The following ATAD2 variants were observed in gnomAD, a reference collection of about 807,000 sequenced individuals.
ATAD2 encodes ATPase family AAA domain-containing protein 2.
In ATAD2, 62 loss-of-function variants were observed where a neutral mutation model predicts 168.9. The observed-to-expected ratio is 0.37, with a 90% confidence interval of 0.30 to 0.45. The LOEUF is 0.45. ATAD2 is among the 20% of genes least tolerant of loss of function. The pLI is 1.00. For synonymous variants in ATAD2, 613 were observed against 571.6 expected, an observed-to-expected ratio of 1.07 and a Z score of -1.03; for missense variants, 1,419 against 1,667.8, an observed-to-expected ratio of 0.85 and a Z score of 2.60.
rs778306956 is a variant in ATAD2 at position 123,372,674 on chromosome 8, T to C, written c.333A>G (p.Arg111=). The part of the protein sequence containing the change: ...NGRHFTRQLA[R]QQADKKKEEH... ...CTTCTTTTTTTTTATCAGCCTGCTG[T>C]CTGGCCAACTGCCTATATTTTAAAA... Residue 111 remains arginine (R), a synonymous_variant, in exon 3 of 28, where the codon AGA becomes AGG. Coordinates refer to ENST00000287394, the MANE Select transcript of ATAD2 (RefSeq NM_014109.4). The C allele has an allele frequency of 3.8e-6, 6 of 1,590,046 alleles. No homozygotes were observed. In the South Asian group the frequency reaches 4.6e-5, roughly 12 times the overall value.
In ATAD2 at chr8:123,396,349, A is replaced by G. The variant is rs765348632; in HGVS notation, c.9T>C (p.Val3=). 2 of 1,594,138 alleles carry G rather than the reference A, an allele frequency of 1.3e-6. No individual in the cohort carries two copies. Among genetic ancestry groups the G allele is most frequent in the South Asian group, 2.2e-5 (2 of 90,026 alleles). Residue 3 remains valine, a synonymous_variant, in exon 1 of 28, where the codon GTT becomes GTC. Transcript: ENST00000287394. The part of the protein sequence containing the change: MV[V]LRSSLELHNH... ...TGTGCAGCTCCAAGCTGCTGCGGAG[A>G]ACCACCATCTTCTCTCCCTACTGGC...
Position 123,365,724 on chromosome 8 carries a change from G to T in ATAD2, c.1049+3334C>A, listed in dbSNP as rs141131253. Among the ~76,000 whole-genome samples, 550 of 152,270 alleles carry T rather than the reference G, an allele frequency of 3.6e-3. 1 individual carries two copies. Among genetic ancestry groups the T allele is most frequent in the African/African-American group, 0.013 (527 of 41,558 alleles). ...GATAATTGGGTAGCCACATGTAGGA[G>T]AATGAAACTGGTTCCTCATCTCTCA... On this transcript the variant is annotated intron_variant, in intron 8 of 27. Transcript: ENST00000287394.
At chr8:123,354,864 A>AATATATATATATATAT (rs1251736641) in intron 13 of ATAD2, among the ~76,000 whole-genome samples, 69 of 64,702 alleles carry the variant, frequency 1.1e-3, no homozygotes, top group African/African-American at 5.7e-3. Context: ...AAAAAAAAAA[A>AATATATATATATATAT]ATATATATAT....
chr8:123,353,567 ATT>A (rs966836860), intron 13 of ATAD2, among the ~76,000 whole-genome samples: 13 of 147,006 alleles, frequency 8.8e-5, no homozygotes, highest in African/African-American at 3.2e-4. Context: ...GATTCCAGTA[ATT>A]TTTTTTTTTT....
Position 123,369,894 on chromosome 8 carries a change from T to A in ATAD2, c.858A>T (p.Gly286=). ...AATATCGCTTCTGATTCTCTTCTTC[T>A]CCATCTTCTTCATCTTCATCATCTT... ...DDEDDEDEED[G]EEENQKRYYL... The change falls in exon 7 of 28, where the codon GGA becomes GGT. Residue 286 remains glycine, a synonymous_variant. Coordinates refer to ENST00000287394, the MANE Select transcript of ATAD2 (RefSeq NM_014109.4). 1 of 1,609,770 alleles carries A rather than the reference T, an allele frequency of 6.2e-7. No homozygotes were observed. The highest frequency in any genetic ancestry group is 8.5e-7 in the Non-Finnish European group (1 of 1,178,082).
At chr8:123,369,261 C>G in intron 7 of ATAD2, 86 bp from the exon 8 acceptor site, 1 of 436,420 alleles carries the variant, frequency 2.3e-6, no homozygotes, top group Non-Finnish European at 3.3e-6. Context: ...TGCTCTTCAT[C>G]TAAATACTTA....
chr8:123,323,995 T>C (rs1018885150), intron 26 of ATAD2, among the ~76,000 whole-genome samples: 1 of 152,150 alleles, frequency 6.6e-6, no homozygotes, highest in Non-Finnish European at 1.5e-5. Flanking sequence ...AAAATAATAA[T>C]TGCTACTCTT....
chr8:123,325,313 G>A (rs1478403722), intron 26 of ATAD2, among the ~76,000 whole-genome samples: 1 of 150,440 alleles, frequency 6.6e-6, no homozygotes, highest in Non-Finnish European at 1.5e-5. Context: ...TTGAGACAGA[G>A]TCTCTATCGC....
At chr8:123,328,797 A>C (rs1478475073) in intron 24 of ATAD2, among the ~76,000 whole-genome samples, 4 of 79,972 alleles carry the variant, frequency 5.0e-5, no homozygotes, top group Admixed American at 1.8e-4. Context: ...TTTATCTTGA[A>C]ATTTTTTTTT....
chr8:123,348,669 T>TTTA (rs1828339566), intron 14 of ATAD2, among the ~76,000 whole-genome samples: 1 of 152,132 alleles, frequency 6.6e-6, no homozygotes, highest in African/African-American at 2.4e-5. Context: ...AGAGCAAGAC[T>TTTA]TTATCATAAA....
intron 24 of ATAD2, among the ~76,000 whole-genome samples, chr8:123,331,219 G>T (rs1827767602): frequency 6.6e-6 from 1 of 152,256 alleles, no homozygotes; most frequent in South Asian, 2.1e-4. Flanking sequence ...GGGATTACAG[G>T]CGTGAGCCAC....
intron 8 of ATAD2, among the ~76,000 whole-genome samples, chr8:123,368,158 C>T (rs1310107997): frequency 6.6e-6 from 1 of 152,134 alleles, no homozygotes; most frequent in Non-Finnish European, 1.5e-5. Context: ...TGGCACACAC[C>T]TGTAATCCCA....
intron 24 of ATAD2, among the ~76,000 whole-genome samples, chr8:123,329,632 C>A (rs112216763): frequency 0.017 from 2,534 of 150,628 alleles, 28 homozygotes; most frequent in Non-Finnish European, 0.027. Flanking sequence ...GCATGGTGGC[C>A]GGTGCCTGCA....
At chr8:123,396,085 C>T (rs1812810709) in intron 1 of ATAD2, 102 bp downstream of exon 1, 22 of 1,304,150 alleles carry the variant, frequency 1.7e-5, no homozygotes, top group Non-Finnish European at 2.2e-5. Flanking sequence ...CGACAACTGT[C>T]ACCCTGACCG....
chr8:123,343,844 C>G lies in ATAD2; in HGVS notation c.2718+1040G>C, dbSNP rs999394827. Among the ~76,000 whole-genome samples the G allele has an allele frequency of 2.6e-4, 39 of 151,942 alleles. 1 individual carries two copies. Among genetic ancestry groups the G allele is most frequent in the Admixed American group, 2.6e-3 (39 of 15,246 alleles). ...ATTGCTATTATTGAGAAACTCTGAT[C>G]AAAGAAGGCCTCCCTGAGGTGATAT... On this transcript the variant is annotated intron_variant, in intron 19 of 27. Coordinates refer to ENST00000287394, the MANE Select transcript of ATAD2 (RefSeq NM_014109.4).
intron 1 of ATAD2, among the ~76,000 whole-genome samples, chr8:123,393,457 C>A (rs1301178870): frequency 6.6e-6 from 1 of 151,982 alleles, no homozygotes; most frequent in Admixed American, 6.6e-5. Flanking sequence ...CTGCAGTGAG[C>A]CACGTTGGTG....
At chr8:123,371,625 G>C (rs1829151157) in intron 4 of ATAD2, 45 bp downstream of exon 4, 1 of 1,529,902 alleles carries the variant, frequency 6.5e-7, no homozygotes, top group African/African-American at 1.4e-5. Flanking sequence ...CCAACAAAAA[G>C]TCTCTGACAG....
upstream of ATAD2, among the ~76,000 whole-genome samples, chr8:123,397,706 A>T (rs1439648583): frequency 6.6e-6 from 1 of 152,270 alleles, no homozygotes; most frequent in East Asian, 1.9e-4. Flanking sequence ...AAGAACAAAA[A>T]TGCCCTAATG....
Position 123,336,358 on chromosome 8 carries a change from T to A in ATAD2, c.3211+15A>T. The A allele has an allele frequency of 1.3e-6, 2 of 1,564,482 alleles. No homozygotes were observed. The highest frequency in any genetic ancestry group is 2.1e-5 in the Admixed American group (1 of 48,264). ...CCCAACTCAACCCCCTGAAAAAAAA[T>A]TCACTAATGCTCACCTCCAGGATCT... is the stretch of plus-strand genomic sequence containing the variant. On this transcript the variant is annotated intron_variant, in intron 22 of 27. Coordinates refer to ENST00000287394, the MANE Select transcript of ATAD2 (RefSeq NM_014109.4).
Sources: gnomAD v4.1 joint callset for allele counts (sites outside exome capture counted in the v4.1 genomes callset) on GRCh38, gnomAD v4.1.1 for gene constraint, MANE v1.5 for transcripts, NCBI Gene and HGNC (gene_info 2026-07-23, HGNC 2026-07-21) for gene names.